Variants in ASTN2 observed in about 807,000 individuals in gnomAD.
ASTN2 encodes the protein astrotactin-2.
Under a neutral mutation model 139.8 loss-of-function variants are expected in ASTN2, and 54 were observed. The ratio of observed to expected loss-of-function variants is 0.39; its 90% CI spans 0.31 to 0.48. The LOEUF (loss-of-function observed/expected upper bound fraction) is 0.48. Ranked by LOEUF, ASTN2 falls within the 20% of genes least tolerant of loss-of-function variation. ASTN2 has a pLI of 0.95. For missense variants in ASTN2, 1,565 were observed against 1,725.1 expected (o/e 0.91, Z 1.64); for synonymous variants, 756 against 719.5 (o/e 1.05, Z -0.81).
chr9:116,467,177 T>C (rs1190699567), intron 20 of ASTN2, among the ~76,000 whole-genome samples: 1 of 152,118 alleles, frequency 6.6e-6, no homozygotes, highest in African/African-American at 2.4e-5. Flanking sequence ...AGTTGCTAGG[T>C]TCCATCTTCA....
At chr9:116,990,247 T>A (rs1185628141) in intron 7 of ASTN2, among the ~76,000 whole-genome samples, 2 of 152,210 alleles carry the variant, frequency 1.3e-5, no homozygotes, top group Non-Finnish European at 2.9e-5. Context: ...TCCCCCTTCC[T>A]TTCTTCTTAA....
At chr9:116,942,839 G>A (rs1420400640) in intron 10 of ASTN2, among the ~76,000 whole-genome samples, 1 of 152,166 alleles carries the variant, frequency 6.6e-6, no homozygotes, top group Non-Finnish European at 1.5e-5. Context: ...TAGCCCAGAG[G>A]CAGCAATGGC....
chr9:117,230,559 G>A (rs756734430), intron 2 of ASTN2, among the ~76,000 whole-genome samples: 2 of 152,088 alleles, frequency 1.3e-5, no homozygotes, highest in Non-Finnish European at 2.9e-5. Flanking sequence ...TTATATTCTG[G>A]GGTTCTGGGT....
intron 19 of ASTN2, among the ~76,000 whole-genome samples, chr9:116,552,604 T>C (rs1398308616): frequency 6.6e-6 from 1 of 152,214 alleles, no homozygotes; most frequent in Non-Finnish European, 1.5e-5. Flanking sequence ...GAGAGACTTA[T>C]CAGAGCTCAT....
At chr9:116,753,418 C>A (rs538749866) in intron 13 of ASTN2, among the ~76,000 whole-genome samples, 2 of 152,248 alleles carry the variant, frequency 1.3e-5, no homozygotes, top group South Asian at 4.2e-4. Context: ...TCTGTATATT[C>A]TGTATGATAC....
intron 1 of ASTN2, among the ~76,000 whole-genome samples, chr9:117,337,001 T>C (rs1828907335): frequency 6.6e-6 from 1 of 152,188 alleles, no homozygotes; most frequent in Admixed American, 6.5e-5. Context: ...CATGAATAAA[T>C]AAGTCACCTA....
intron 17 of ASTN2, among the ~76,000 whole-genome samples, chr9:116,623,020 C>A (rs1233941125): frequency 6.6e-6 from 1 of 152,138 alleles, no homozygotes; most frequent in Non-Finnish European, 1.5e-5. Context: ...GCTTAAAATT[C>A]TGTAACATCT....
At position 117,317,764 on chromosome 9, in the gene ASTN2, G is replaced by A. The variant is rs567353777; in HGVS notation, c.443-26251C>T. Among the ~76,000 whole-genome samples the A allele has an allele frequency of 3.3e-5, 5 of 152,142 alleles. No individual in the cohort carries two copies. In the South Asian group the frequency reaches 8.3e-4, roughly 25 times the overall value. The stretch of plus-strand genomic sequence containing the variant: ...AGAGACTGGCTCATGAGAACCCCAG[G>A]AAAAACTGATGAGAGGATGCCCCAG... On this transcript the variant is annotated intron_variant, in intron 1 of 22. Transcript: ENST00000313400.
At chr9:116,829,578 G>A (rs1272011406) in intron 11 of ASTN2, among the ~76,000 whole-genome samples, 4 of 152,092 alleles carry the variant, frequency 2.6e-5, no homozygotes, top group East Asian at 1.9e-4. Context: ...AAAGAGGCAC[G>A]TCTTCACATT....
At chr9:117,119,085 T>C (rs1454041822) in intron 4 of ASTN2, among the ~76,000 whole-genome samples, 2 of 152,216 alleles carry the variant, frequency 1.3e-5, no homozygotes, top group East Asian at 1.9e-4. Context: ...CAGCATTGGG[T>C]AGGCATTCAA....
At chr9:116,611,406 T>C (rs900599236) in intron 19 of ASTN2, 2 of 151,840 alleles carry the variant, frequency 1.3e-5, no homozygotes, top group African/African-American at 4.8e-5. Context: ...AAAATTATAA[T>C]AAAAATTAGA....
intron 1 of ASTN2, among the ~76,000 whole-genome samples, chr9:117,294,372 G>A (rs79788936): frequency 0.044 from 6,679 of 152,310 alleles, 277 homozygotes; most frequent in African/African-American, 0.11. Context: ...GAATAACTCC[G>A]GACTTACTTT....
chr9:116,454,269 C>A (rs1032044079), intron 20 of ASTN2, among the ~76,000 whole-genome samples: 2 of 152,072 alleles, frequency 1.3e-5, no homozygotes, highest in African/African-American at 4.8e-5. Context: ...AAAGACTATA[C>A]CCTATGACAA....
chr9:116,980,100 T>C (rs1836467701), intron 7 of ASTN2, among the ~76,000 whole-genome samples: 1 of 152,116 alleles, frequency 6.6e-6, no homozygotes, highest in Non-Finnish European at 1.5e-5. Context: ...AGCCCCCGAG[T>C]GCTAGCAGCA....
At chr9:117,377,683 C>A (rs1219237841) in intron 1 of ASTN2, among the ~76,000 whole-genome samples, 1 of 150,866 alleles carries the variant, frequency 6.6e-6, no homozygotes, top group African/African-American at 2.4e-5. Context: ...CAAAAAAGTT[C>A]ACTGTAGCAT....
chr9:117,324,005 G>T (rs1828427462), intron 1 of ASTN2, among the ~76,000 whole-genome samples: 2 of 152,214 alleles, frequency 1.3e-5, no homozygotes, highest in African/African-American at 2.4e-5. Context: ...AGTCAGTCAT[G>T]TGCCCTCCTA....
intron 11 of ASTN2, among the ~76,000 whole-genome samples, chr9:116,857,945 G>A (rs936129411): frequency 6.6e-6 from 1 of 152,172 alleles, no homozygotes; most frequent in African/African-American, 2.4e-5. Context: ...CACTTAGAAC[G>A]CTGGATCTTG....
chr9:117,211,942 C>T, intron 3 of ASTN2, among the ~76,000 whole-genome samples: 1 of 21,950 alleles, frequency 4.6e-5, no homozygotes, highest in South Asian at 1.4e-3. Context: ...CATGCTCATG[C>T]AATCTTGAGA....
intron 11 of ASTN2, among the ~76,000 whole-genome samples, chr9:116,845,388 A>G (rs1691348628): frequency 6.6e-6 from 1 of 152,112 alleles, no homozygotes; most frequent in Non-Finnish European, 1.5e-5. Context: ...CAAACGTACC[A>G]TTCCTTTCTT....
Sources: allele counts gnomAD v4.1 joint callset (sites outside exome capture counted in the v4.1 genomes callset), GRCh38; gene constraint gnomAD v4.1.1; transcripts MANE v1.5; gene names NCBI Gene and HGNC (gene_info 2026-07-23, HGNC 2026-07-21).